The following SNX29 variants were observed in gnomAD, a reference collection of about 807,000 sequenced individuals.
SNX29 encodes the protein sorting nexin-29.
A neutral mutation model predicts 102.1 loss-of-function variants in SNX29; 78 were observed. That is an observed-to-expected ratio of 0.76 (90% CI 0.64 to 0.92). SNX29 has a LOEUF of 0.92. Ranked by LOEUF, SNX29 falls within the 40% of genes least tolerant of loss-of-function variation. The pLI is 0.00. For synonymous variants in SNX29, 580 were observed against 414.5 expected, an observed-to-expected ratio of 1.40 and a Z score of -4.85; for missense variants, 1,280 against 1,061.7, an observed-to-expected ratio of 1.21 and a Z score of -2.86.
intron 19 of SNX29, among the ~76,000 whole-genome samples, chr16:12,505,118 A>G (rs1388312783): frequency 6.6e-6 from 1 of 152,204 alleles, no homozygotes; most frequent in Non-Finnish European, 1.5e-5. Flanking sequence ...AAAAATATAG[A>G]GGAAAAAACA....
At chr16:12,524,876 C>T in intron 20 of SNX29, 35 bp downstream of exon 20, 1 of 1,597,094 alleles carries the variant, frequency 6.3e-7, no homozygotes, top group Non-Finnish European at 8.6e-7. Flanking sequence ...GGCCGCCAGC[C>T]CTGCCAGCAT....
At chr16:12,507,727 C>G (rs920861758) in intron 19 of SNX29, among the ~76,000 whole-genome samples, 4 of 152,148 alleles carry the variant, frequency 2.6e-5, no homozygotes, top group African/African-American at 9.7e-5. Flanking sequence ...GAACCTTTGT[C>G]TAGAGTATAT....
chr16:12,082,667 T>G (rs1486644148), intron 11 of SNX29, among the ~76,000 whole-genome samples: 1 of 152,194 alleles, frequency 6.6e-6, no homozygotes, highest in Non-Finnish European at 1.5e-5. Context: ...TGTCACCATG[T>G]CTGCATTTGA....
intron 18 of SNX29, among the ~76,000 whole-genome samples, chr16:12,412,549 C>T (rs2084445482): frequency 6.6e-6 from 1 of 152,112 alleles, no homozygotes; most frequent in Non-Finnish European, 1.5e-5. Flanking sequence ...ATTGATGGGT[C>T]CCTGGGAATG....
chr16:12,461,065 A>T (rs138185956), intron 18 of SNX29, among the ~76,000 whole-genome samples: 13 of 152,252 alleles, frequency 8.5e-5, no homozygotes, highest in African/African-American at 7.2e-5. Flanking sequence ...TAGATGCGAT[A>T]ATTGCCCACA....
At chr16:12,184,399 G>GC (rs1359413840) in intron 13 of SNX29, among the ~76,000 whole-genome samples, 1 of 152,216 alleles carries the variant, frequency 6.6e-6, no homozygotes, top group East Asian at 1.9e-4. Context: ...AACTAGGCAG[G>GC]CCCAGAGTTG....
At chr16:12,163,607 A>C (rs893115491) in intron 13 of SNX29, among the ~76,000 whole-genome samples, 1 of 152,166 alleles carries the variant, frequency 6.6e-6, no homozygotes, top group African/African-American at 2.4e-5. Context: ...GGCTGGTGGC[A>C]ACAGGAGACT....
chr16:12,045,786 G>C (rs1335818114), intron 5 of SNX29, among the ~76,000 whole-genome samples: 1 of 152,034 alleles, frequency 6.6e-6, no homozygotes, highest in Admixed American at 6.6e-5. Context: ...ACCATGCCTG[G>C]CTAATTTTTT....
At chr16:12,368,759 A>G (rs9302469) in intron 16 of SNX29, among the ~76,000 whole-genome samples, 79,358 of 152,084 alleles carry the variant, frequency 0.52, 21,255 homozygotes, top group Non-Finnish European at 0.59. Context: ...TTGTGAATGC[A>G]TGGTTTGAGT....
intron 15 of SNX29, among the ~76,000 whole-genome samples, chr16:12,284,232 G>T (rs1370111254): frequency 6.6e-6 from 1 of 152,244 alleles, no homozygotes; most frequent in Non-Finnish European, 1.5e-5. Context: ...TCGCGTGTCA[G>T]ACTGAGTTCA....
intron 19 of SNX29, among the ~76,000 whole-genome samples, chr16:12,519,604 A>G (rs931851666): frequency 2.0e-5 from 3 of 152,260 alleles, no homozygotes; most frequent in African/African-American, 7.2e-5. Flanking sequence ...CGAAAAGGTA[A>G]AAATGATGAC....
chr16:12,238,204 T>TA lies in SNX29; in HGVS notation c.1678+38531dup, dbSNP rs371006378. On this transcript the variant is annotated intron_variant, in intron 14 of 20. Transcript: ENST00000566228. Reference sequence around the variant, plus strand: ...ATAAGATTTATAACTGTAACAGTTGTAAAAAAAAAATACCCAGAACCTTAT... The same window carrying TA: ...ATAAGATTTATAACTGTAACAGTTGTAAAAAAAAAAATACCCAGAACCTTAT... 8.6e-3 allele frequency among the ~76,000 whole-genome samples: 1,274 copies of TA among 148,306 alleles called. 11 individuals are homozygous for TA. Among genetic ancestry groups the TA allele is most frequent in the African/African-American group, 0.025 (1,013 of 40,642 alleles).
chr16:12,558,085 C>G (rs114629677), intron 20 of SNX29, among the ~76,000 whole-genome samples: 1 of 152,192 alleles, frequency 6.6e-6, no homozygotes, highest in East Asian at 1.9e-4. Context: ...ACATCCCATG[C>G]AAAGTGGGGA....
chr16:12,133,132 G>A (rs1278569454), intron 13 of SNX29, among the ~76,000 whole-genome samples: 1 of 152,146 alleles, frequency 6.6e-6, no homozygotes. Context: ...TTTAGGTGCA[G>A]GTTTCACAGT....
intron 15 of SNX29, among the ~76,000 whole-genome samples, chr16:12,290,393 C>T (rs746533753): frequency 6.6e-6 from 1 of 152,098 alleles, no homozygotes; most frequent in South Asian, 2.1e-4. Context: ...TCTTTCAGAT[C>T]TCATCCTGGA....
At chr16:12,360,660 C>T (rs9924462) in intron 16 of SNX29, among the ~76,000 whole-genome samples, 8,821 of 151,526 alleles carry the variant, frequency 0.058, 419 homozygotes, top group African/African-American at 0.13. Context: ...CACCCCCTAC[C>T]GTATTGAAAG....
At chr16:12,437,227 G>T (rs1343678292) in intron 18 of SNX29, among the ~76,000 whole-genome samples, 1 of 152,240 alleles carries the variant, frequency 6.6e-6, no homozygotes, top group African/African-American at 2.4e-5. Flanking sequence ...TATTTTTCAT[G>T]CTTTCTCTCT....
intron 18 of SNX29, among the ~76,000 whole-genome samples, chr16:12,404,701 C>G (rs921321907): frequency 6.6e-6 from 1 of 152,110 alleles, no homozygotes. Flanking sequence ...AACTTGAAAG[C>G]GGAATCCCTG....
At chr16:12,455,396 A>C (rs1031096658) in intron 18 of SNX29, among the ~76,000 whole-genome samples, 18 of 152,104 alleles carry the variant, frequency 1.2e-4, no homozygotes, top group Non-Finnish European at 2.2e-4. Flanking sequence ...CAAGCCCTGC[A>C]TACCGGCTTG....
Sources: gnomAD v4.1 joint callset for allele counts (sites outside exome capture counted in the v4.1 genomes callset) on GRCh38, gnomAD v4.1.1 for gene constraint, MANE v1.5 for transcripts, NCBI Gene and HGNC (gene_info 2026-07-23, HGNC 2026-07-21) for gene names.